Variants in CC2D2B observed in about 807,000 individuals in gnomAD.
CC2D2B encodes the protein protein CC2D2B.
CC2D2B carries 128 observed loss-of-function variants against 161.2 expected under a neutral mutation model. The ratio of observed to expected loss-of-function variants is 0.79; its 90% CI spans 0.69 to 0.92. The LOEUF is 0.92. Among genes scored for constraint, CC2D2B ranks in the 40% least tolerant of loss-of-function variants. CC2D2B has a pLI of 0.00. For synonymous variants in CC2D2B, 391 were observed against 449.8 expected (o/e 0.87, Z 1.65); for missense variants, 1,173 against 1,375.1 (o/e 0.85, Z 2.32).
intron 26 of CC2D2B, among the ~76,000 whole-genome samples, chr10:96,011,073 A>G (rs1271555119): frequency 1.3e-5 from 2 of 152,228 alleles, no homozygotes; most frequent in East Asian, 1.9e-4. Flanking sequence ...GTTAATGAAC[A>G]TTCTGTTCCT....
At chr10:95,911,960 T>C (rs1332505666) in intron 2 of CC2D2B, among the ~76,000 whole-genome samples, 1 of 152,206 alleles carries the variant, frequency 6.6e-6, no homozygotes, top group African/African-American at 2.4e-5. Flanking sequence ...TAAGGGAACA[T>C]TGTAGTCTGT....
At chr10:95,957,887 TAAC>T (rs1359622454) in intron 11 of CC2D2B, among the ~76,000 whole-genome samples, 1 of 145,702 alleles carries the variant, frequency 6.9e-6, no homozygotes, top group Non-Finnish European at 1.5e-5. Context: ...AAAATAACAA[TAAC>T]AAAAAACAGA....
chr10:95,916,874 A>G (rs1383269988), intron 2 of CC2D2B, among the ~76,000 whole-genome samples: 1 of 152,194 alleles, frequency 6.6e-6, no homozygotes, highest in African/African-American at 2.4e-5. Context: ...CAGCTGTCAG[A>G]TGAAACATTC....
At chr10:96,000,111 C>T in intron 24 of CC2D2B, 2 of 1,490,934 alleles carry the variant, frequency 1.3e-6, no homozygotes, top group Non-Finnish European at 1.8e-6. Context: ...AAACAATATC[C>T]ATTCTCTTGA....
chr10:95,954,138 C>A (rs2076496472), intron 10 of CC2D2B, among the ~76,000 whole-genome samples: 2 of 151,838 alleles, frequency 1.3e-5, no homozygotes, highest in South Asian at 2.1e-4. Context: ...TCTGACAGAC[C>A]AAAATTATAA....
chr10:95,987,464 C>T (rs908603739), intron 19 of CC2D2B, among the ~76,000 whole-genome samples: 4 of 152,120 alleles, frequency 2.6e-5, no homozygotes, highest in African/African-American at 9.7e-5. Context: ...AGATAATGAG[C>T]ATGCGTTGTT....
intron 31 of CC2D2B, 166 bp downstream of exon 31, chr10:96,019,503 G>A (rs2079361684): frequency 1.1e-5 from 9 of 817,636 alleles, no homozygotes; most frequent in Non-Finnish European, 1.8e-5. Flanking sequence ...TGATTGTGTA[G>A]TGCCTTCAAG....
intron 32 of CC2D2B, among the ~76,000 whole-genome samples, chr10:96,022,969 C>A (rs1008832362): frequency 4.6e-5 from 7 of 152,018 alleles, no homozygotes; most frequent in Admixed American, 3.3e-4. Flanking sequence ...AGAATGGTCC[C>A]GACAGATAGC....
At chr10:95,973,684 C>A (rs2077216845) in intron 16 of CC2D2B, among the ~76,000 whole-genome samples, 1 of 151,866 alleles carries the variant, frequency 6.6e-6, no homozygotes, top group South Asian at 2.1e-4. Context: ...CATGGTAAAA[C>A]CCCATCTCTA....
chr10:96,002,893 G>C (rs1018549675), intron 24 of CC2D2B, among the ~76,000 whole-genome samples: 2 of 151,726 alleles, frequency 1.3e-5, no homozygotes, highest in Non-Finnish European at 2.9e-5. Flanking sequence ...GTTAGAACCG[G>C]GTCCAGCCAA....
At chr10:95,941,947 G>C (rs574653392) in intron 9 of CC2D2B, among the ~76,000 whole-genome samples, 40 of 152,288 alleles carry the variant, frequency 2.6e-4, no homozygotes, top group Non-Finnish European at 5.1e-4. Flanking sequence ...CAACCTAGCT[G>C]TTCATTGACA....
At chr10:95,976,148 A>G (rs1259162794) in intron 17 of CC2D2B, among the ~76,000 whole-genome samples, 1 of 152,200 alleles carries the variant, frequency 6.6e-6, no homozygotes, top group African/African-American at 2.4e-5. Flanking sequence ...TAAAACAAAC[A>G]AGCAAAAACT....
chr10:96,017,023 T>C (rs928463272), intron 30 of CC2D2B, among the ~76,000 whole-genome samples: 1 of 152,204 alleles, frequency 6.6e-6, no homozygotes, highest in African/African-American at 2.4e-5. Flanking sequence ...CAGCCCATCA[T>C]ATGTTTCTAA....
At position 96,016,302 on chromosome 10, in the gene CC2D2B, G is replaced by A. The variant is rs374196484; in HGVS notation, c.3618G>A (p.Thr1206=). The stretch of plus-strand genomic sequence containing the variant: ...AGAAGGCACTGGTCCTCTTGGGAAC[G>A]TCAGTGTTAGAAGTAAGTGCTGGAG... ...FGKKALVLLG[T]SVLEGHVAYV... Residue 1206 remains threonine (T), a synonymous_variant, in exon 30 of 35, where the codon ACG becomes ACA. Coordinates refer to ENST00000646931, the MANE Select transcript of CC2D2B (RefSeq NM_001349008.3). 1.4e-5 allele frequency: 22 copies of A among 1,598,696 alleles called. No individual in the cohort carries two copies. Among genetic ancestry groups the A allele is most frequent in the African/African-American group, 2.7e-5 (2 of 74,590 alleles).
intron 2 of CC2D2B, among the ~76,000 whole-genome samples, chr10:95,915,585 C>T (rs2098514697): frequency 6.6e-6 from 1 of 152,082 alleles, no homozygotes; most frequent in Non-Finnish European, 1.5e-5. Context: ...TTCTTATATA[C>T]CCAGTTTTTG....
At chr10:95,965,354 T>A (rs10786253) in intron 12 of CC2D2B, among the ~76,000 whole-genome samples, 18,445 of 152,060 alleles carry the variant, frequency 0.12, 1,896 homozygotes, top group African/African-American at 0.27. Flanking sequence ...ACTTAGTAAG[T>A]ACTATATAAG....
At chr10:96,025,381 A>C (rs2141959547) in intron 33 of CC2D2B, among the ~76,000 whole-genome samples, 1 of 148,564 alleles carries the variant, frequency 6.7e-6, no homozygotes. Flanking sequence ...AAAAAAAAAA[A>C]AAAAGTTCCA....
At chr10:95,913,992 TTTGA>T (rs1173896045) in intron 2 of CC2D2B, among the ~76,000 whole-genome samples, 1 of 152,226 alleles carries the variant, frequency 6.6e-6, no homozygotes, top group Non-Finnish European at 1.5e-5. Flanking sequence ...CATTTTTTGC[TTTGA>T]TTGCCTGTGC....
In CC2D2B at chr10:95,982,069, G is replaced by C; in HGVS notation, c.2038G>C (p.Asp680His). 8.1e-7 allele frequency: 1 copy of C among 1,231,144 alleles called. No individual in the cohort carries two copies. The highest frequency in any genetic ancestry group is 1.0e-6 in the Non-Finnish European group (1 of 987,150). The allele number at this position is 1,231,144 out of a possible 1,614,324, so 76.3% of individuals were successfully genotyped here. ...LFEWANEVRI[D>H]PNNPEYSDLM... is the part of the protein sequence containing the mutation. ...TGAATGGGCAAATGAAGTCAGAATT[G>C]ATCCAAATAATCCAGAATATTCTGA... is the stretch of plus-strand genomic sequence containing the variant. The change falls in exon 18 of 35, where the codon GAT (aspartate) becomes CAT (histidine). Residue 680 changes from aspartate to histidine, a missense_variant. Asp to His is a moderately conservative substitution (Grantham distance 81). Transcript: ENST00000646931.
Sources: allele counts gnomAD v4.1 joint callset (sites outside exome capture counted in the v4.1 genomes callset), GRCh38; gene constraint gnomAD v4.1.1; transcripts MANE v1.5; gene names NCBI Gene and HGNC (gene_info 2026-07-23, HGNC 2026-07-21).